The following ALG8 variants were observed in gnomAD, a reference collection of about 807,000 sequenced individuals.
The protein encoded by ALG8 is ALG8 alpha-1,3-glucosyltransferase.
ALG8 carries 48 observed loss-of-function variants against 70.2 expected under a neutral mutation model. The observed-to-expected ratio is 0.68, with a 90% CI of 0.54 to 0.87. The LOEUF is 0.87. ALG8 is among the 40% of genes least tolerant of loss of function. The pLI, the probability that ALG8 is intolerant of heterozygous loss-of-function variation, is 0.00. For synonymous variants in ALG8, 234 were observed against 229.0 expected (o/e 1.02, Z -0.20); for missense variants, 572 against 608.7 (o/e 0.94, Z 0.64).
chr11:78,105,736 C>T (rs1859999264), intron 10 of ALG8, among the ~76,000 whole-genome samples: 1 of 148,676 alleles, frequency 6.7e-6, no homozygotes. Flanking sequence ...GAGACAGGGT[C>T]TCACTCTATT....
chr11:78,106,174 G>A (rs933241789), intron 10 of ALG8, among the ~76,000 whole-genome samples: 2 of 151,926 alleles, frequency 1.3e-5, no homozygotes, highest in African/African-American at 4.8e-5. Context: ...ATTTTCAGAC[G>A]GGATGACACC....
chr11:78,113,860 T>TTAAAAAAA, intron 7 of ALG8, 26 bp downstream of exon 7: 1 of 958,700 alleles, frequency 1.0e-6, no homozygotes, highest in Non-Finnish European at 1.4e-6. Flanking sequence ...ATGTATTAAT[T>TTAAAAAAA]GAAAAAAAAA....
chr11:78,114,232 C>G lies in ALG8; in HGVS notation c.673+34G>C, dbSNP rs201887966. 272 of 1,613,292 alleles carry G rather than the reference C, an allele frequency of 1.7e-4. 2 individuals carry two copies. Among genetic ancestry groups the G allele is most frequent in the South Asian group, 8.7e-4 (79 of 91,002 alleles). ...CAAGTCAACACAGTAAGGGAAAAAT[C>G]GAAAATGTTTTTGCTATTATTACCA... On this transcript the variant is annotated intron_variant, in intron 6 of 12. Transcript: ENST00000299626.
At chr11:78,137,790 A>T (rs1196630288) in intron 1 of ALG8, 2 of 152,218 alleles carry the variant, frequency 1.3e-5, no homozygotes, top group Non-Finnish European at 2.9e-5. Context: ...TAACAAATAT[A>T]ATAGCAATGA....
chr11:78,119,572 G>A (rs1202517631), intron 4 of ALG8, among the ~76,000 whole-genome samples: 1 of 151,800 alleles, frequency 6.6e-6, no homozygotes, highest in East Asian at 1.9e-4. Flanking sequence ...GGGACTACAG[G>A]CACATACCAC....
At chr11:78,110,294 C>T (rs186362922) in intron 8 of ALG8, among the ~76,000 whole-genome samples, 31 of 152,228 alleles carry the variant, frequency 2.0e-4, no homozygotes, top group Admixed American at 5.2e-4. Context: ...CAGGTTCCAG[C>T]GATTCTCCTG....
At chr11:78,132,378 C>G (rs527991947) in intron 1 of ALG8, among the ~76,000 whole-genome samples, 1 of 152,306 alleles carries the variant, frequency 6.6e-6, no homozygotes, top group African/African-American at 2.4e-5. Context: ...TCAAAGGGCA[C>G]CTAGCCTTCC....
rs112109685 is a variant in ALG8 at position 78,121,102 on chromosome 11, T to C, written c.441A>G (p.Val147=). 3.2e-5 allele frequency: 51 copies of C among 1,613,822 alleles called. No individual in the cohort carries two copies. In the African/African-American group the frequency reaches 3.6e-4, roughly 11 times the overall value. Residue 147 remains valine, a synonymous_variant, in exon 4 of 13, where the codon GTA becomes GTG. Coordinates refer to ENST00000299626, the MANE Select transcript of ALG8 (RefSeq NM_024079.5). ...LTEKPKFILS[V]LLLWNFGLLI... The stretch of plus-strand genomic sequence containing the variant: ...ATAACCCGAAGTTCCACAGAAGTAA[T>C]ACCGACAGAATAAATTTTGGCTTTT...
In ALG8 at chr11:78,104,445, G is replaced by A; in HGVS notation, c.1187C>T (p.Ser396Phe). 6.3e-7 allele frequency: 1 copy of A among 1,584,320 alleles called. No individual in the cohort carries two copies. ...LLAILPMSLL[S>F]VGKAGDASIF... ...CGAAGCGTCTCCTGCTTTTCCCACAGACAAAAGGCTAAAAATAAAAATAAT... is the reference window on the plus strand; with the variant it reads ...CGAAGCGTCTCCTGCTTTTCCCACAAACAAAAGGCTAAAAATAAAAATAAT... Residue 396 changes from serine (S) to phenylalanine (F), a missense_variant, in exon 11 of 13, where the codon TCT (serine) becomes TTT (phenylalanine). Ser to Phe is a radical substitution (Grantham distance 155). Coordinates refer to ENST00000299626, the MANE Select transcript of ALG8 (RefSeq NM_024079.5).
chr11:78,129,758 C>T (rs557004647), intron 1 of ALG8, among the ~76,000 whole-genome samples: 1 of 152,152 alleles, frequency 6.6e-6, no homozygotes, highest in Non-Finnish European at 1.5e-5. Flanking sequence ...TGTGCTTGAA[C>T]AATTTGTTTT....
intron 2 of ALG8, among the ~76,000 whole-genome samples, chr11:78,126,645 T>C (rs1182805244): frequency 6.6e-6 from 1 of 152,216 alleles, no homozygotes; most frequent in Non-Finnish European, 1.5e-5. Context: ...CATTTGATTA[T>C]TCCTTTCCTC....
At chr11:78,138,094 CCAA>C (rs1861622494) in intron 1 of ALG8, among the ~76,000 whole-genome samples, 1 of 152,010 alleles carries the variant, frequency 6.6e-6, no homozygotes, top group Admixed American at 6.6e-5. Flanking sequence ...GCCTGTAATC[CCAA>C]CATTATGGGA....
In ALG8 at chr11:78,137,753, G is replaced by A. The variant is rs1359701518; in HGVS notation, c.95+1741C>T. 2.6e-5 allele frequency: 4 copies of A among 152,240 alleles called. No individual in the cohort carries two copies. The East Asian group carries it at 7.7e-4, about 29-fold the overall frequency. 9.4% of individuals were successfully genotyped at this position (152,240 alleles called of 1,614,324 possible). On this transcript the variant is annotated intron_variant, in intron 1 of 12. Transcript: ENST00000299626. Reference sequence around the variant, plus strand: ...TTGCCCCAAAGCAATCAGAATAGTAGTATCAAAGATCACTGATTACAGATC... The same window carrying A: ...TTGCCCCAAAGCAATCAGAATAGTAATATCAAAGATCACTGATTACAGATC...
chr11:78,138,924 C>A (rs932759423), intron 1 of ALG8: 1 of 395,468 alleles, frequency 2.5e-6, no homozygotes, highest in African/African-American at 2.1e-5. Flanking sequence ...TCTTTCCTGC[C>A]ACAGGGCCTT....
chr11:78,104,307 G>A, intron 11 of ALG8, 49 bp downstream of exon 11: 1 of 1,477,476 alleles, frequency 6.8e-7, no homozygotes, highest in South Asian at 1.3e-5. Context: ...GGGCCTCGAT[G>A]AAAAGGTTGT....
chr11:78,110,839 A>T (rs1464913374), intron 8 of ALG8, among the ~76,000 whole-genome samples: 1 of 152,130 alleles, frequency 6.6e-6, no homozygotes, highest in Non-Finnish European at 1.5e-5. Flanking sequence ...TCTCTCTTAC[A>T]GCTAATAACT....
intron 5 of ALG8, chr11:78,114,862 C>T (rs998324706): frequency 6.9e-5 from 20 of 289,476 alleles, no homozygotes; most frequent in African/African-American, 4.0e-4. Flanking sequence ...GTAGCACCAG[C>T]TACTCTGGAG....
At position 78,112,546 on chromosome 11, in the gene ALG8, C is replaced by A. The variant is rs571884977; in HGVS notation, c.898+104G>T. The A allele has an allele frequency of 7.0e-4, 1,089 of 1,552,664 alleles. 1 individual carries two copies. The highest frequency in any genetic ancestry group is 1.7e-3 in the Admixed American group (103 of 59,006). ...AAAGCTGAAATGCAGGACTGGAGAA[C>A]AAACAATTCAGCCACATTCAAAACA... On this transcript the variant is annotated intron_variant, in intron 8 of 12. Transcript: ENST00000299626.
intron 10 of ALG8, among the ~76,000 whole-genome samples, chr11:78,105,648 T>TA (rs200968449): frequency 0.24 from 25,744 of 108,456 alleles, 2,573 homozygotes; most frequent in Middle Eastern, 0.36. Flanking sequence ...TACCAAAAAG[T>TA]AAAAAAAAAA....
Sources: allele counts gnomAD v4.1 joint callset (sites outside exome capture counted in the v4.1 genomes callset), GRCh38; gene constraint gnomAD v4.1.1; transcripts MANE v1.5; gene names NCBI Gene and HGNC (gene_info 2026-07-23, HGNC 2026-07-21).